COL24A1: variants seen among roughly 807,000 people sequenced by gnomAD.
COL24A1 encodes the protein collagen alpha-1(XXIV) chain.
In COL24A1, 224 loss-of-function variants were observed where a neutral mutation model predicts 253.9. That is an observed-to-expected ratio of 0.88 (90% CI 0.79 to 0.99). The LOEUF (loss-of-function observed/expected upper bound fraction) is 0.99, where lower values mean the gene tolerates loss of function less well. COL24A1 is among the 50% of genes least tolerant of loss of function. COL24A1 has a pLI of 0.00. For missense variants in COL24A1, 2,131 were observed against 2,068.5 expected (o/e 1.03, Z -0.59); for synonymous variants, 685 against 673.7 (o/e 1.02, Z -0.26).
Position 86,022,561 on chromosome 1 carries a change from C to G in COL24A1, c.2179G>C (p.Glu727Gln). 4 of 1,612,888 alleles carry G rather than the reference C, an allele frequency of 2.5e-6. No homozygotes were observed. Among genetic ancestry groups the G allele is most frequent in the Non-Finnish European group, 3.4e-6 (4 of 1,179,440 alleles). ...ACCTTGTCTCCAGGATACCCGGGTTCTCCTAGCTCTCCTGCTGTGCCTTGT... is the reference window on the plus strand; with the variant it reads ...ACCTTGTCTCCAGGATACCCGGGTTGTCCTAGCTCTCCTGCTGTGCCTTGT... ...GEQGTAGELG[E>Q]PGYPGDKGAV... The change falls in exon 17 of 60, where the codon GAA becomes CAA. Residue 727 changes from glutamate to glutamine, a missense_variant. By Grantham distance (29) the Glu-to-Gln change is conservative. Transcript: ENST00000370571.
chr1:85,825,771 G>GTT (rs1558270666), intron 43 of COL24A1, among the ~76,000 whole-genome samples: 1 of 125,066 alleles, frequency 8.0e-6, no homozygotes, highest in Non-Finnish European at 1.7e-5. Context: ...TGATGGGGTT[G>GTT]TTTGTTTTTT....
chr1:85,813,392 G>A (rs1485309083), intron 47 of COL24A1, among the ~76,000 whole-genome samples: 1 of 148,532 alleles, frequency 6.7e-6, no homozygotes, highest in African/African-American at 2.5e-5. Context: ...TGTACCTAAG[G>A]TAAAAGACAG....
chr1:85,955,929 A>C (rs1216856030), intron 24 of COL24A1, among the ~76,000 whole-genome samples: 1 of 152,226 alleles, frequency 6.6e-6, no homozygotes, highest in East Asian at 1.9e-4. Context: ...TTAAAAGTAA[A>C]TTGCCAGCTT....
intron 57 of COL24A1, among the ~76,000 whole-genome samples, chr1:85,741,236 T>C (rs1570411696): frequency 6.6e-6 from 1 of 152,226 alleles, no homozygotes; most frequent in Non-Finnish European, 1.5e-5. Context: ...GCTTTCGTTG[T>C]CTGCTGTTTC....
At chr1:86,103,895 G>A (rs1704695400) in intron 5 of COL24A1, among the ~76,000 whole-genome samples, 1 of 152,092 alleles carries the variant, frequency 6.6e-6, no homozygotes, top group African/African-American at 2.4e-5. Flanking sequence ...TCTTGCCGGG[G>A]TTCTCTGTAT....
intron 4 of COL24A1, among the ~76,000 whole-genome samples, chr1:86,113,891 AC>A (rs1460844565): frequency 6.6e-6 from 1 of 150,786 alleles, no homozygotes. Context: ...AGATGTTATG[AC>A]TTATGTCATT....
At chr1:85,989,822 C>T (rs1416752777) in intron 19 of COL24A1, among the ~76,000 whole-genome samples, 1 of 152,138 alleles carries the variant, frequency 6.6e-6, no homozygotes, top group Non-Finnish European at 1.5e-5. Flanking sequence ...TCACCTAGAA[C>T]ACTTATGTTT....
intron 3 of COL24A1, among the ~76,000 whole-genome samples, chr1:86,122,262 T>C (rs1048278620): frequency 6.6e-6 from 1 of 152,076 alleles, no homozygotes; most frequent in African/African-American, 2.4e-5. Context: ...TCTTTGGCTT[T>C]TTGATATTGC....
At chr1:85,852,008 A>C (rs1677821206) in intron 37 of COL24A1, among the ~76,000 whole-genome samples, 1 of 152,212 alleles carries the variant, frequency 6.6e-6, no homozygotes, top group African/African-American at 2.4e-5. Flanking sequence ...AGGTCATAAA[A>C]TATTATCTTA....
chr1:85,916,555 A>C (rs573856370), intron 24 of COL24A1, among the ~76,000 whole-genome samples: 1 of 152,142 alleles, frequency 6.6e-6, no homozygotes, highest in African/African-American at 2.4e-5. Context: ...GTGTGGCAAC[A>C]TGTTCCTGTA....
intron 1 of COL24A1, among the ~76,000 whole-genome samples, chr1:86,146,925 T>C (rs1651962685): frequency 6.6e-6 from 1 of 152,142 alleles, no homozygotes; most frequent in East Asian, 1.9e-4. Context: ...ACATTCTTCA[T>C]AATTGGCTGT....
At chr1:85,832,841 T>C (rs1455458302) in intron 43 of COL24A1, among the ~76,000 whole-genome samples, 4 of 150,194 alleles carry the variant, frequency 2.7e-5, no homozygotes, top group Non-Finnish European at 5.9e-5. Context: ...GACAATGGGG[T>C]TTTCTAGATA....
At chr1:85,883,161 CGTCTTCTTCTTCTTCTTTT>C (rs1682064332) in intron 32 of COL24A1, among the ~76,000 whole-genome samples, 2 of 151,780 alleles carry the variant, frequency 1.3e-5, no homozygotes, top group South Asian at 2.1e-4. Context: ...CTTCTTCTTT[CGTCTTCTTCTTCTTCTTTT>C]TAATGTTTTT....
chr1:85,829,992 A>G (rs916795491), intron 43 of COL24A1, among the ~76,000 whole-genome samples: 5 of 152,002 alleles, frequency 3.3e-5, no homozygotes, highest in African/African-American at 1.2e-4. Context: ...GGAGGAGGAG[A>G]GGCGCTCTAC....
At chr1:85,784,647 T>C (rs1398750998) in intron 48 of COL24A1, among the ~76,000 whole-genome samples, 1 of 152,120 alleles carries the variant, frequency 6.6e-6, no homozygotes, top group Non-Finnish European at 1.5e-5. Context: ...ACTAGTAGGA[T>C]AGTAAGGCTT....
chr1:86,143,041 C>G (rs1483833089), intron 2 of COL24A1, among the ~76,000 whole-genome samples: 1 of 151,994 alleles, frequency 6.6e-6, no homozygotes, highest in Non-Finnish European at 1.5e-5. Context: ...ATATTTACAG[C>G]CTAAAATTTT....
chr1:85,782,690 T>C (rs1056860344), intron 51 of COL24A1, among the ~76,000 whole-genome samples: 2 of 152,242 alleles, frequency 1.3e-5, no homozygotes, highest in Admixed American at 1.3e-4. Flanking sequence ...TTAATAGTTA[T>C]TTAAGATACC....
intron 43 of COL24A1, among the ~76,000 whole-genome samples, chr1:85,825,427 G>C (rs573307175): frequency 6.6e-6 from 1 of 152,226 alleles, no homozygotes; most frequent in South Asian, 2.1e-4. Context: ...ATAGTCCTTT[G>C]GTTATATACC....
chr1:85,732,228 T>A (rs1663554723), intron 59 of COL24A1, among the ~76,000 whole-genome samples: 1 of 151,684 alleles, frequency 6.6e-6, no homozygotes, highest in Non-Finnish European at 1.5e-5. Flanking sequence ...TGATTTCTTT[T>A]CTTTTCTTTT....
Sources: allele counts gnomAD v4.1 joint callset (sites outside exome capture counted in the v4.1 genomes callset), GRCh38; gene constraint gnomAD v4.1.1; transcripts MANE v1.5; gene names NCBI Gene and HGNC (gene_info 2026-07-23, HGNC 2026-07-21).